Variants in MYO5C observed in about 807,000 individuals in gnomAD.
MYO5C encodes unconventional myosin-Vc.
MYO5C carries 194 observed loss-of-function variants against 235.7 expected under a neutral mutation model. That is an observed-to-expected ratio of 0.82 (90% CI 0.73 to 0.93). The LOEUF (loss-of-function observed/expected upper bound fraction) is 0.93. MYO5C is among the 40% of genes least tolerant of loss of function. The pLI is 0.00. For missense variants in MYO5C, 2,038 were observed against 2,127.2 expected (o/e 0.96, Z 0.82); for synonymous variants, 707 against 754.8 (o/e 0.94, Z 1.04).
intron 10 of MYO5C, 37 bp from the exon 11 acceptor site, chr15:52,256,757 AAGC>A: frequency 6.7e-7 from 1 of 1,487,186 alleles, no homozygotes; most frequent in Admixed American, 1.7e-5. Context: ...ATATAACCTG[AAGC>A]AAGACATATG....
At chr15:52,215,695 G>GA (rs138377275) in intron 32 of MYO5C, among the ~76,000 whole-genome samples, 3 of 151,904 alleles carry the variant, frequency 2.0e-5, no homozygotes, top group Admixed American at 6.6e-5. Context: ...CCATAACCCA[G>GA]AAAAAAACCA....
At chr15:52,196,225 C>T (rs1290965123) in intron 39 of MYO5C, 84 bp downstream of exon 39, 3 of 1,392,602 alleles carry the variant, frequency 2.2e-6, no homozygotes, top group Non-Finnish European at 2.9e-6. Flanking sequence ...AGGGTGCCCA[C>T]AGCTGGCTAA....
chr15:52,195,310 T>G, intron 40 of MYO5C, 67 bp downstream of exon 40: 1 of 1,051,198 alleles, frequency 9.5e-7, no homozygotes, highest in Middle Eastern at 2.1e-4. Context: ...ATAATGTTAA[T>G]TAAGTATCAA....
At chr15:52,203,321 C>A (rs2035229892) in intron 38 of MYO5C, among the ~76,000 whole-genome samples, 1 of 152,098 alleles carries the variant, frequency 6.6e-6, no homozygotes, top group Non-Finnish European at 1.5e-5. Flanking sequence ...ACAAACAATC[C>A]ATTACACTCC....
chr15:52,249,058 T>C (rs2036415365), intron 13 of MYO5C, among the ~76,000 whole-genome samples: 1 of 152,248 alleles, frequency 6.6e-6, no homozygotes, highest in African/African-American at 2.4e-5. Context: ...AGTTGCTCCC[T>C]GCGGTATGTG....
chr15:52,237,919 G>GCC lies in MYO5C; in HGVS notation c.2704-275_2704-274dup, dbSNP rs139930981. Among the ~76,000 whole-genome samples the GCC allele has an allele frequency of 5.9e-4, 89 of 150,524 alleles. 1 individual carries two copies. The highest frequency in any genetic ancestry group is 4.2e-3 in the South Asian group (20 of 4,744). On this transcript the variant is annotated intron_variant, in intron 21 of 40. Transcript: ENST00000261839. ...GGACAACCCTAGTGTTATGAACTGT[G>GCC]CCCCCCGCCAAAATTCATTTGTTGA...
At chr15:52,223,845 T>G in intron 28 of MYO5C, 121 bp from the exon 29 acceptor site, 1 of 800,766 alleles carries the variant, frequency 1.2e-6, no homozygotes. Context: ...AGTTTACTTA[T>G]GCACTCACGG....
chr15:52,197,095 G>A (rs1294140126), intron 38 of MYO5C, among the ~76,000 whole-genome samples: 1 of 152,146 alleles, frequency 6.6e-6, no homozygotes, highest in African/African-American at 2.4e-5. Flanking sequence ...TCTCAAAATC[G>A]AATACAGACT....
intron 10 of MYO5C, among the ~76,000 whole-genome samples, chr15:52,259,853 T>G (rs1241429258): frequency 2.0e-5 from 3 of 152,204 alleles, no homozygotes; most frequent in Non-Finnish European, 2.9e-5. Context: ...GTCCCCCTCC[T>G]CCCCAGGAGG....
At chr15:52,281,289 T>C (rs986712934) in intron 2 of MYO5C, among the ~76,000 whole-genome samples, 8 of 152,146 alleles carry the variant, frequency 5.3e-5, no homozygotes, top group Non-Finnish European at 8.8e-5. Flanking sequence ...AGGCCTTGTC[T>C]CTTACAGTAC....
intron 22 of MYO5C, among the ~76,000 whole-genome samples, chr15:52,236,495 T>C (rs1231774612): frequency 6.6e-6 from 1 of 152,146 alleles, no homozygotes; most frequent in African/African-American, 2.4e-5. Flanking sequence ...GCCAACATGG[T>C]GAAACCCCAC....
intron 22 of MYO5C, among the ~76,000 whole-genome samples, 157 bp from the exon 23 acceptor site, chr15:52,235,920 G>A (rs952394491): frequency 1.3e-5 from 2 of 152,142 alleles, no homozygotes; most frequent in African/African-American, 2.4e-5. Context: ...ACTGTAAGAC[G>A]CTGCCATTTG....
intron 11 of MYO5C, among the ~76,000 whole-genome samples, chr15:52,254,000 G>A (rs1372951993): frequency 6.6e-6 from 1 of 151,934 alleles, no homozygotes; most frequent in African/African-American, 2.4e-5. Context: ...GGGGTAGGGT[G>A]GGGTGGGGTG....
At chr15:52,232,328 G>GGAGAGAAGGAAGGAAA (rs1555414560) in intron 24 of MYO5C, among the ~76,000 whole-genome samples, 493 of 18,700 alleles carry the variant, frequency 0.026, 195 homozygotes, top group South Asian at 0.059. Flanking sequence ...AAGGAAGGAA[G>GGAGAGAAGGAAGGAAA]GAGAGAAAGA....
At chr15:52,285,023 T>C (rs546747444) in intron 1 of MYO5C, among the ~76,000 whole-genome samples, 1 of 152,062 alleles carries the variant, frequency 6.6e-6, no homozygotes. Context: ...TCTTTCAACA[T>C]TGCATTATGC....
chr15:52,284,520 G>T (rs983297306), intron 1 of MYO5C, among the ~76,000 whole-genome samples: 4 of 152,148 alleles, frequency 2.6e-5, no homozygotes, highest in Non-Finnish European at 4.4e-5. Context: ...TCTTGATGGG[G>T]CTCGGGTTAC....
rs1442461363 is a variant in MYO5C, at chr15:52,251,517, T to C, written c.1537-2A>G. ...GTTTTCATCAGTTCCATGTGGTAAC[T>C]GGAAAAGAAAAATAAACCAAATAGC... is the stretch of plus-strand genomic sequence containing the variant. On this transcript the variant is annotated splice_acceptor_variant, in intron 12 of 40. Transcript: ENST00000261839. LOFTEE classifies it high-confidence loss of function. 30 of 1,588,850 alleles carry C rather than the reference T, an allele frequency of 1.9e-5. No individual in the cohort carries two copies. The highest frequency in any genetic ancestry group is 2.5e-5 in the Non-Finnish European group (29 of 1,167,554).
At position 52,232,278 on chromosome 15, in the gene MYO5C, AAGG is replaced by A. The variant is rs1478558298; in HGVS notation, c.3026+341_3026+343del. 1.3e-5 allele frequency among the ~76,000 whole-genome samples: 2 copies of A among 148,788 alleles called. 1 individual carries two copies. Among genetic ancestry groups the A allele is most frequent in the Admixed American group, 1.3e-4 (2 of 14,888 alleles). On this transcript the variant is annotated intron_variant, in intron 24 of 40. Transcript: ENST00000261839. ...GAAGGAAGGAAGGAGAGAAGGAAGG[AAGG>A]AGAGAAGGAAGGAAGGAGAGAAGGA... is the stretch of plus-strand genomic sequence containing the variant.
chr15:52,269,936 G>T, intron 7 of MYO5C, 76 bp from the exon 8 acceptor site: 5 of 996,422 alleles, frequency 5.0e-6, no homozygotes, highest in African/African-American at 1.6e-5. Context: ...AAGAAGGGAA[G>T]TTCATACTCA....
Sources: allele counts gnomAD v4.1 joint callset (sites outside exome capture counted in the v4.1 genomes callset), GRCh38; gene constraint gnomAD v4.1.1; transcripts MANE v1.5; gene names NCBI Gene and HGNC (gene_info 2026-07-23, HGNC 2026-07-21).